ABCB11: variants seen among roughly 807,000 people sequenced by gnomAD.
ABCB11 encodes the protein bile salt export pump.
A neutral mutation model predicts 148.0 loss-of-function variants in ABCB11; 95 were observed. The ratio of observed to expected loss-of-function variants is 0.64; its 90% CI spans 0.54 to 0.76. The LOEUF (loss-of-function observed/expected upper bound fraction) is 0.76, where lower values mean the gene tolerates loss of function less well. ABCB11 is among the 30% of genes least tolerant of loss of function. The pLI is 0.00. For missense variants in ABCB11, 1,523 were observed against 1,617.8 expected, an observed-to-expected ratio of 0.94 and a Z score of 1.01; for synonymous variants, 591 against 555.4, an observed-to-expected ratio of 1.06 and a Z score of -0.90.
In ABCB11 at chr2:168,935,107, A is replaced by G. The variant is rs574742803; in HGVS notation, c.3056+77T>C. ...AGCTTGGGATGGTTTGCTAAGCAGC[A>G]AAAAGCTAACTGACAGAACCAGGCT... On this transcript the variant is annotated intron_variant, in intron 23 of 27. Coordinates refer to ENST00000650372, the MANE Select transcript of ABCB11 (RefSeq NM_003742.4). 44 of 1,575,682 alleles carry G rather than the reference A, an allele frequency of 2.8e-5. 1 individual carries two copies. In the South Asian group the frequency reaches 5.0e-4, roughly 18 times the overall value.
chr2:168,932,081 C>T (rs551852446), intron 24 of ABCB11, among the ~76,000 whole-genome samples: 15 of 152,122 alleles, frequency 9.9e-5, no homozygotes, highest in Middle Eastern at 3.4e-3. Context: ...TAGGTATACA[C>T]GTGTCATGGT....
chr2:168,969,129 AAAG>A lies in ABCB11; in HGVS notation c.2011+218_2011+220del, dbSNP rs1175478786. Among the ~76,000 whole-genome samples, 120 of 148,242 alleles carry A rather than the reference AAAG, an allele frequency of 8.1e-4. No individual in the cohort carries two copies. The South Asian group carries it at 0.013, about 16-fold the overall frequency. On this transcript the variant is annotated intron_variant, in intron 16 of 27. Coordinates refer to ENST00000650372, the MANE Select transcript of ABCB11 (RefSeq NM_003742.4). ...TTTGCGCAGGGTTAAAAAAAAAAAA[AAAG>A]GGGGGGATGGAATTGAAAGTTAGAA...
rs1379729691 is a variant in ABCB11, at chr2:168,920,965, C to T, written c.*2657G>A. On this transcript the variant is annotated 3_prime_UTR_variant, in exon 28 of 28. Transcript: ENST00000650372. ...TTTGTACTAATTCCTCTTTCAGACT[C>T]CATAAATTCCTTTCCAGGAAACTGG... 6.6e-6 allele frequency among the ~76,000 whole-genome samples: 1 copy of T among 152,184 alleles called. No individual in the cohort carries two copies. Among genetic ancestry groups the T allele is most frequent in the African/African-American group, 2.4e-5 (1 of 41,436 alleles).
chr2:168,951,935 A>C (rs1367197599), intron 19 of ABCB11, among the ~76,000 whole-genome samples: 1 of 151,616 alleles, frequency 6.6e-6, no homozygotes, highest in Non-Finnish European at 1.5e-5. Context: ...GTTTATTGAG[A>C]ATATTTATCA....
intron 7 of ABCB11, 91 bp from the exon 8 acceptor site, chr2:168,993,973 C>T: frequency 9.0e-7 from 1 of 1,116,598 alleles, no homozygotes; most frequent in Admixed American, 2.4e-5. Flanking sequence ...TTAAACATTC[C>T]CATCTCTCTA....
intron 10 of ABCB11, among the ~76,000 whole-genome samples, chr2:168,981,335 T>C (rs1694130023): frequency 1.3e-5 from 2 of 152,246 alleles, no homozygotes; most frequent in South Asian, 4.1e-4. Flanking sequence ...AGCCTATGCA[T>C]AGGGACAAAA....
At chr2:168,974,287 CG>C (rs1391926021) in intron 12 of ABCB11, among the ~76,000 whole-genome samples, 4 of 151,924 alleles carry the variant, frequency 2.6e-5, no homozygotes, top group African/African-American at 9.7e-5. Flanking sequence ...GATTTTAAGC[CG>C]TCCGTCATGT....
chr2:168,939,211 T>C (rs1300409142), intron 21 of ABCB11, among the ~76,000 whole-genome samples: 1 of 151,914 alleles, frequency 6.6e-6, no homozygotes, highest in Non-Finnish European at 1.5e-5. Flanking sequence ...CAGAATTCTG[T>C]TCAAAGAGTA....
chr2:168,985,529 A>T (rs1694287969), intron 10 of ABCB11, among the ~76,000 whole-genome samples: 1 of 152,092 alleles, frequency 6.6e-6, no homozygotes. Context: ...GGATAAAGAA[A>T]CTGTGATATA....
intron 1 of ABCB11, among the ~76,000 whole-genome samples, chr2:169,020,618 C>A (rs561354976): frequency 6.6e-6 from 1 of 151,928 alleles, no homozygotes; most frequent in South Asian, 2.1e-4. Flanking sequence ...TGAAAGAAGA[C>A]GGTCTCAAAA....
chr2:168,996,621 G>A lies in ABCB11; in HGVS notation c.477+14C>T. The A allele has an allele frequency of 7.0e-7, 1 of 1,434,350 alleles. No individual in the cohort carries two copies. The allele number at this position is 1,434,350 out of a possible 1,614,324, so 88.9% of individuals were successfully genotyped here. On this transcript the variant is annotated intron_variant, in intron 6 of 27. Transcript: ENST00000650372. Reference sequence around the variant, plus strand: ...CAGATATTGATCTATAAATTATACGGAGGAGCTACTAACTTGAATATATCC... The same window carrying A: ...CAGATATTGATCTATAAATTATACGAAGGAGCTACTAACTTGAATATATCC...
At chr2:168,976,075 T>C (rs1442524047) in intron 12 of ABCB11, among the ~76,000 whole-genome samples, 2 of 152,106 alleles carry the variant, frequency 1.3e-5, no homozygotes, top group South Asian at 2.1e-4. Flanking sequence ...GTGAGCATAA[T>C]ATCACAAGGA....
chr2:168,930,937 G>A (rs1559179505), intron 24 of ABCB11, 75 bp from the exon 25 acceptor site: 1 of 1,331,424 alleles, frequency 7.5e-7, no homozygotes, highest in Admixed American at 2.1e-5. Flanking sequence ...TAAATCTTGA[G>A]TTTAAAATCC....
chr2:168,924,657 C>A lies in ABCB11; in HGVS notation c.3765G>T (p.Lys1255Asn), dbSNP rs764536018. The part of the protein sequence containing the change: ...ATSALDTESE[K>N]TVQVALDKAR... ...AAGACTTTAGAAATTCAACACTTAC[C>A]TTTTCACTTTCTGTGTCTAAGGCAG... Residue 1255 changes from lysine to asparagine, a missense_variant and splice_region_variant, in exon 27 of 28, where the codon AAG becomes AAT. Lys to Asn is a moderately conservative substitution (Grantham distance 94). Coordinates refer to ENST00000650372, the MANE Select transcript of ABCB11 (RefSeq NM_003742.4). 2 of 1,612,772 alleles carry A rather than the reference C, an allele frequency of 1.2e-6. No individual in the cohort carries two copies. Among genetic ancestry groups the A allele is most frequent in the Admixed American group, 3.3e-5 (2 of 59,808 alleles).
rs1429040692 is a variant in ABCB11 at position 168,921,802 on chromosome 2, G to T, written c.*1820C>A. 6.6e-6 allele frequency among the ~76,000 whole-genome samples: 1 copy of T among 151,262 alleles called. No individual in the cohort carries two copies. Among genetic ancestry groups the T allele is most frequent in the African/African-American group, 2.4e-5 (1 of 41,140 alleles). ...GTGGGCTTCATAGAAGGGTAATACGGCTGGAAAATTTTCTTAGGATTCCAA... is the reference window on the plus strand; with the variant it reads ...GTGGGCTTCATAGAAGGGTAATACGTCTGGAAAATTTTCTTAGGATTCCAA... On this transcript the variant is annotated 3_prime_UTR_variant, in exon 28 of 28. Coordinates refer to ENST00000650372, the MANE Select transcript of ABCB11 (RefSeq NM_003742.4).
Position 169,029,801 on chromosome 2 carries a change from C to T in ABCB11, c.-28+1424G>A, listed in dbSNP as rs905961063. Among the ~76,000 whole-genome samples, 7 of 108,808 alleles carry T rather than the reference C, an allele frequency of 6.4e-5. 1 individual carries two copies. Among genetic ancestry groups the T allele is most frequent in the African/African-American group, 2.8e-4 (7 of 25,004 alleles). The allele number at this position is 108,808 out of a possible 152,430, so 71.4% of individuals were successfully genotyped here. Reference sequence around the variant, plus strand: ...CAGGCCGGACTGCGGACTGCAGTGGCGCAATCTCGGCTCACTGCAAGCTCC... The same window carrying T: ...CAGGCCGGACTGCGGACTGCAGTGGTGCAATCTCGGCTCACTGCAAGCTCC... On this transcript the variant is annotated intron_variant, in intron 1 of 27. Coordinates refer to ENST00000650372, the MANE Select transcript of ABCB11 (RefSeq NM_003742.4).
chr2:169,004,538 G>A (rs1694966748), intron 5 of ABCB11, among the ~76,000 whole-genome samples: 2 of 151,924 alleles, frequency 1.3e-5, no homozygotes, highest in African/African-American at 4.8e-5. Flanking sequence ...TTTTATTTAT[G>A]CTATCTATTT....
intron 21 of ABCB11, among the ~76,000 whole-genome samples, chr2:168,936,671 C>CAA (rs1450665510): frequency 6.6e-6 from 1 of 152,122 alleles, no homozygotes; most frequent in East Asian, 1.9e-4. Flanking sequence ...ATCCATTAAA[C>CAA]AATAACCTCC....
In ABCB11 at chr2:168,995,433, T is replaced by G; in HGVS notation, c.527A>C (p.Lys176Thr). The G allele has an allele frequency of 6.2e-7, 1 of 1,612,234 alleles. No homozygotes were observed. Among genetic ancestry groups the G allele is most frequent in the Non-Finnish European group, 8.5e-7 (1 of 1,178,928 alleles). ...TCTCATTATTCTCCTAAAGTAAAAT[T>G]TTCTCATTTTCTGTATCTGACGAGC... is the stretch of plus-strand genomic sequence containing the variant. ...AAARQIQKMR[K>T]FYFRRIMRME... is the part of the protein sequence containing the mutation. The change falls in exon 7 of 28, where the codon AAA (lysine) becomes ACA (threonine). Residue 176 changes from lysine to threonine, a missense_variant. Lys to Thr is a moderately conservative substitution (Grantham distance 78, BLOSUM62 -1). Coordinates refer to ENST00000650372, the MANE Select transcript of ABCB11 (RefSeq NM_003742.4).
Sources: allele counts gnomAD v4.1 joint callset (sites outside exome capture counted in the v4.1 genomes callset), GRCh38; gene constraint gnomAD v4.1.1; transcripts MANE v1.5; gene names NCBI Gene and HGNC (gene_info 2026-07-23, HGNC 2026-07-21).